Variants in UMAD1 observed in about 807,000 individuals in gnomAD.
UMAD1 encodes the protein UBAP1-MVB12-associated (UMA)-domain containing protein 1.
UMAD1 carries 8 observed loss-of-function variants against 6.1 expected under a neutral mutation model. The observed-to-expected ratio is 1.30, with a 90% confidence interval of 0.76 to 2.35. UMAD1 has a LOEUF of 2.35. Among genes scored for constraint, UMAD1 ranks in the 30% most tolerant of loss-of-function variants. The pLI, the probability that UMAD1 is intolerant of heterozygous loss-of-function variation, is 0.00. For missense variants in UMAD1, 130 were observed against 78.4 expected, an observed-to-expected ratio of 1.66 and a Z score of -2.49; for synonymous variants, 56 against 31.4, an observed-to-expected ratio of 1.78 and a Z score of -2.61.
rs1425482417 is a variant in UMAD1 at position 7,878,207 on chromosome 7, T to C, written c.*669T>C. On this transcript the variant is annotated 3_prime_UTR_variant, in exon 4 of 4. Transcript: ENST00000682710. ...TGTTCCCACCTTTGTTCTCTGCCTT[T>C]TTGCTACTTCAGTGTGCTCTCTGAC... is the stretch of plus-strand genomic sequence containing the variant. 1 of 152,384 alleles carries C rather than the reference T, an allele frequency of 6.6e-6. No homozygotes were observed. The highest frequency in any genetic ancestry group is 1.5e-5 in the Non-Finnish European group (1 of 68,110). 9.4% of individuals were successfully genotyped at this position (152,384 alleles called of 1,614,324 possible).
At chr7:7,851,942 TC>T (rs1355135983) in intron 3 of UMAD1, among the ~76,000 whole-genome samples, 5 of 152,168 alleles carry the variant, frequency 3.3e-5, no homozygotes, top group African/African-American at 1.2e-4. Flanking sequence ...TATGTATGAA[TC>T]CATTTCAAAA....
At chr7:7,743,716 A>G (rs1288601781) in intron 2 of UMAD1, among the ~76,000 whole-genome samples, 2 of 151,020 alleles carry the variant, frequency 1.3e-5, no homozygotes, top group Admixed American at 1.3e-4. Context: ...TATATTATAC[A>G]TATACATATA....
In UMAD1 at chr7:7,692,609, T is replaced by TTTTG. The variant is rs908658314; in HGVS notation, c.82+19173_82+19176dup. 6.6e-5 allele frequency: 10 copies of TTTTG among 152,280 alleles called. No individual in the cohort carries two copies. The East Asian group carries it at 7.7e-4, about 12-fold the overall frequency. 9.4% of individuals were successfully genotyped at this position (152,280 alleles called of 1,614,324 possible). Reference sequence around the variant, plus strand: ...TCATCAAAACACAAGCAAATGCATTTTTTGTTTGTTTGTTTGTTTGAGATG... The same window carrying TTTTG: ...TCATCAAAACACAAGCAAATGCATTTTTTGTTTGTTTGTTTGTTTGTTTGAGATG... On this transcript the variant is annotated intron_variant, in intron 2 of 3. Transcript: ENST00000682710.
chr7:7,850,933 T>C (rs1236141558), intron 3 of UMAD1, among the ~76,000 whole-genome samples: 1 of 152,170 alleles, frequency 6.6e-6, no homozygotes, highest in Admixed American at 6.5e-5. Context: ...TGTGGATTTA[T>C]GATATCCAAA....
intron 2 of UMAD1, among the ~76,000 whole-genome samples, chr7:7,785,611 G>A (rs187598832): frequency 1.3e-5 from 2 of 152,352 alleles, no homozygotes; most frequent in Admixed American, 1.3e-4. Flanking sequence ...AACAAGTAGA[G>A]GAAGGGAGAT....
intron 2 of UMAD1, among the ~76,000 whole-genome samples, chr7:7,750,933 A>G (rs2115219063): frequency 2.0e-5 from 3 of 152,350 alleles, no homozygotes; most frequent in Non-Finnish European, 4.4e-5. Context: ...AAAGTATTTA[A>G]TAAGAAGTAA....
At chr7:7,729,965 C>T (rs565801081) in intron 2 of UMAD1, among the ~76,000 whole-genome samples, 3 of 152,342 alleles carry the variant, frequency 2.0e-5, no homozygotes, top group South Asian at 2.1e-4. Flanking sequence ...CTCACCCAGT[C>T]TGGAGCCTAT....
intron 3 of UMAD1, among the ~76,000 whole-genome samples, chr7:7,872,886 C>G (rs2115342794): frequency 6.6e-6 from 1 of 152,122 alleles, no homozygotes; most frequent in South Asian, 2.1e-4. Flanking sequence ...GGAACATTTA[C>G]ACATGAGATT....
chr7:7,693,364 T>C (rs532258726), intron 2 of UMAD1, among the ~76,000 whole-genome samples: 34 of 151,054 alleles, frequency 2.3e-4, no homozygotes, highest in African/African-American at 8.3e-4. Context: ...TTAAGGCCAA[T>C]GTATAATATA....
chr7:7,809,473 C>T (rs143157863), intron 3 of UMAD1, among the ~76,000 whole-genome samples: 453 of 151,984 alleles, frequency 3.0e-3, no homozygotes, highest in Admixed American at 4.4e-3. Flanking sequence ...GATGTTTTGA[C>T]ACATGCTTAC....
At chr7:7,824,157 T>A (rs1000963793) in intron 3 of UMAD1, among the ~76,000 whole-genome samples, 2 of 152,122 alleles carry the variant, frequency 1.3e-5, no homozygotes, top group Non-Finnish European at 2.9e-5. Flanking sequence ...GTAACTTGCA[T>A]GTCCTCATCC....
chr7:7,732,027 T>C (rs1262628824), intron 2 of UMAD1, among the ~76,000 whole-genome samples: 1 of 151,978 alleles, frequency 6.6e-6, no homozygotes, highest in African/African-American at 2.4e-5. Context: ...TTAATGACCA[T>C]TATTTTGTTT....
At chr7:7,776,145 T>C (rs903193096) in intron 2 of UMAD1, among the ~76,000 whole-genome samples, 1 of 152,034 alleles carries the variant, frequency 6.6e-6, no homozygotes, top group African/African-American at 2.4e-5. Flanking sequence ...TCAATAAACC[T>C]GACTTAAAAA....
chr7:7,867,614 C>T (rs1440602820), intron 3 of UMAD1, among the ~76,000 whole-genome samples: 6 of 151,952 alleles, frequency 3.9e-5, no homozygotes, highest in African/African-American at 1.2e-4. Flanking sequence ...TATTAGTAAC[C>T]TTTGTGAAAG....
intron 3 of UMAD1, among the ~76,000 whole-genome samples, chr7:7,821,708 A>T (rs1783243937): frequency 6.6e-6 from 1 of 152,204 alleles, no homozygotes; most frequent in Non-Finnish European, 1.5e-5. Context: ...CAATCGATAG[A>T]TACGGAAGGC....
At chr7:7,839,263 A>C (rs543476533) in intron 3 of UMAD1, among the ~76,000 whole-genome samples, 86 of 152,226 alleles carry the variant, frequency 5.6e-4, no homozygotes, top group African/African-American at 2.1e-3. Flanking sequence ...CCGTTCTGGA[A>C]GGCAGGTGCA....
intron 3 of UMAD1, among the ~76,000 whole-genome samples, chr7:7,856,868 G>T (rs1345192694): frequency 2.6e-5 from 4 of 152,178 alleles, no homozygotes; most frequent in African/African-American, 9.7e-5. Context: ...AAAACTGAAG[G>T]AATAGCATCA....
chr7:7,729,367 T>G (rs1781201569), intron 2 of UMAD1, among the ~76,000 whole-genome samples: 1 of 152,228 alleles, frequency 6.6e-6, no homozygotes, highest in Non-Finnish European at 1.5e-5. Context: ...GGGAATGAGC[T>G]GGACAATTAT....
intron 2 of UMAD1, chr7:7,742,568 G>T (rs914063865): frequency 1.2e-5 from 6 of 518,132 alleles, no homozygotes; most frequent in Non-Finnish European, 2.3e-5. Context: ...GCCATCTTGT[G>T]AAAAGGGTCA....
Sources: allele counts gnomAD v4.1 joint callset (sites outside exome capture counted in the v4.1 genomes callset), GRCh38; gene constraint gnomAD v4.1.1; transcripts MANE v1.5; gene names NCBI Gene and HGNC (gene_info 2026-07-23, HGNC 2026-07-21).